INVS: variants seen among roughly 807,000 people sequenced by gnomAD.
INVS encodes inversin, also known as inversion of embryo turning homolog.
Under a neutral mutation model 108.8 loss-of-function variants are expected in INVS, and 86 were observed. The observed-to-expected ratio is 0.79, with a 90% CI of 0.66 to 0.95. The LOEUF is 0.95. Among genes scored for constraint, INVS ranks in the 40% least tolerant of loss-of-function variants. The probability of loss-of-function intolerance (pLI) is 0.00; values close to 1 mark genes in which losing one functional copy is unlikely to be tolerated. For missense variants in INVS, 1,169 were observed against 1,297.4 expected, an observed-to-expected ratio of 0.90 and a Z score of 1.52; for synonymous variants, 455 against 473.5, an observed-to-expected ratio of 0.96 and a Z score of 0.51.
At chr9:100,171,842 CA>C (rs1375626410) in intron 3 of INVS, among the ~76,000 whole-genome samples, 1 of 152,098 alleles carries the variant, frequency 6.6e-6, no homozygotes, top group African/African-American at 2.4e-5. Context: ...TTGGCAAAAG[CA>C]TTGGACTGAT....
intron 8 of INVS, among the ~76,000 whole-genome samples, chr9:100,251,855 C>G (rs1441803088): frequency 6.6e-6 from 1 of 152,198 alleles, no homozygotes; most frequent in Non-Finnish European, 1.5e-5. Flanking sequence ...AGATTGATGT[C>G]TCCAGTCACA....
chr9:100,107,907 A>T (rs554850504), intron 2 of INVS, among the ~76,000 whole-genome samples: 1 of 152,334 alleles, frequency 6.6e-6, no homozygotes, highest in African/African-American at 2.4e-5. Flanking sequence ...AGGAATGAAT[A>T]AATATTTTAA....
intron 14 of INVS, among the ~76,000 whole-genome samples, chr9:100,294,752 G>A (rs1185102262): frequency 6.6e-6 from 1 of 152,186 alleles, no homozygotes; most frequent in East Asian, 1.9e-4. Context: ...AGGCTGCCTG[G>A]TTGGTGTCAC....
chr9:100,257,803 G>A (rs1020705212), intron 10 of INVS, among the ~76,000 whole-genome samples: 1 of 152,168 alleles, frequency 6.6e-6, no homozygotes, highest in Non-Finnish European at 1.5e-5. Flanking sequence ...GCTTCCCTTT[G>A]TGGGTAACCC....
chr9:100,161,364 CAAAA>C (rs35392930), intron 3 of INVS, among the ~76,000 whole-genome samples: 1 of 12,368 alleles, frequency 8.1e-5, no homozygotes, highest in Non-Finnish European at 1.6e-4. Context: ...ACTTCCATCT[CAAAA>C]AAAAAAAAAA....
At chr9:100,176,185 C>T in intron 3 of INVS, 1 of 340,288 alleles carries the variant, frequency 2.9e-6, no homozygotes, top group Non-Finnish European at 5.7e-6. Flanking sequence ...ATCTTTGTTT[C>T]CTTTATGCCT....
chr9:100,120,193 TG>T (rs1827681874), intron 2 of INVS, among the ~76,000 whole-genome samples: 1 of 152,204 alleles, frequency 6.6e-6, no homozygotes, highest in South Asian at 2.1e-4. Flanking sequence ...GGTGCTGCTT[TG>T]GGTTCAAATT....
intron 1 of INVS, 103 bp from the exon 2 acceptor site, chr9:100,104,395 G>C (rs150548989): frequency 2.0e-5 from 14 of 714,630 alleles, no homozygotes; most frequent in Non-Finnish European, 3.5e-5. Context: ...TCCTAGTCAA[G>C]TATTTCTAGT....
At chr9:100,219,415 G>A (rs1789555798) in intron 3 of INVS, among the ~76,000 whole-genome samples, 1 of 152,136 alleles carries the variant, frequency 6.6e-6, no homozygotes, top group South Asian at 2.1e-4. Flanking sequence ...AGTCCAGCCT[G>A]GGCAAGCTAT....
chr9:100,180,509 A>G (rs1829857732), intron 3 of INVS, among the ~76,000 whole-genome samples: 1 of 152,232 alleles, frequency 6.6e-6, no homozygotes, highest in African/African-American at 2.4e-5. Flanking sequence ...ACCTCTACGC[A>G]AATAAACTAG....
intron 3 of INVS, among the ~76,000 whole-genome samples, chr9:100,163,505 C>T (rs899252789): frequency 2.0e-5 from 3 of 152,078 alleles, no homozygotes; most frequent in Non-Finnish European, 2.9e-5. Context: ...AAATCCCTGA[C>T]TTCAAAGATC....
chr9:100,266,473 A>C (rs1235598739), intron 11 of INVS, among the ~76,000 whole-genome samples: 1 of 152,126 alleles, frequency 6.6e-6, no homozygotes, highest in Admixed American at 6.6e-5. Context: ...GTAACTTCCC[A>C]ACTTTGCTAT....
rs769857478 is a variant in INVS, at chr9:100,292,232, A to G, written c.2069-94A>G. ...TGTAACTGCCACTATTATGGTGATG[A>G]TATAGGCTAAGTCTGAATATTTTAT... On this transcript the variant is annotated intron_variant, in intron 13 of 16. Coordinates refer to ENST00000262457, the MANE Select transcript of INVS (RefSeq NM_014425.5). 561 of 1,124,726 alleles carry G rather than the reference A, an allele frequency of 5.0e-4. 3 individuals carry two copies. Among genetic ancestry groups the G allele is most frequent in the Non-Finnish European group, 7.7e-5 (57 of 738,022 alleles). 69.7% of individuals were successfully genotyped at this position (1,124,726 alleles called of 1,614,324 possible). A position where few individuals can be genotyped will look rare whatever the true frequency, so the allele number is the denominator to read the frequency against.
chr9:100,100,658 T>TAC (rs1826828441), intron 1 of INVS, among the ~76,000 whole-genome samples: 1 of 49,298 alleles, frequency 2.0e-5, no homozygotes, highest in Non-Finnish European at 3.2e-5. Context: ...ATATATAATA[T>TAC]ATATATTATA....
At position 100,292,692 on chromosome 9, in the gene INVS, G is replaced by T. The variant is rs780214188; in HGVS notation, c.2435G>T (p.Gly812Val). ...RCSPAGSSRP[G>V]SARGEAVHAG... Reference sequence around the variant, plus strand: ...TCTCCGGCTGGTTCTAGCCGCCCTGGCAGTGCCCGGGGGGAGGCGGTCCAT... The same window carrying T: ...TCTCCGGCTGGTTCTAGCCGCCCTGTCAGTGCCCGGGGGGAGGCGGTCCAT... The change falls in exon 14 of 17, where the codon GGC (glycine) becomes GTC (valine). Residue 812 changes from glycine to valine, a missense_variant. By Grantham distance (109) the Gly-to-Val change is moderately radical (BLOSUM62 -3). This residue lies in a region of INVS where 533 missense variants were observed against 536.0 expected (regional missense o/e 0.99). Transcript: ENST00000262457. 6.2e-7 allele frequency: 1 copy of T among 1,614,042 alleles called. No homozygotes were observed.
At chr9:100,289,521 TG>T (rs1833547794) in intron 13 of INVS, among the ~76,000 whole-genome samples, 2 of 152,364 alleles carry the variant, frequency 1.3e-5, no homozygotes, top group African/African-American at 4.8e-5. Context: ...ATGGGCTACC[TG>T]GGCAGTTCCT....
chr9:100,191,644 G>C (rs944884604), intron 3 of INVS, among the ~76,000 whole-genome samples: 1 of 152,048 alleles, frequency 6.6e-6, no homozygotes, highest in African/African-American at 2.4e-5. Context: ...TCCTTGAGTA[G>C]CTTAACAATC....
At chr9:100,206,034 CAG>C (rs1047423374) in intron 3 of INVS, among the ~76,000 whole-genome samples, 3 of 152,058 alleles carry the variant, frequency 2.0e-5, no homozygotes, top group Non-Finnish European at 4.4e-5. Context: ...AGGATATAAA[CAG>C]ATAATCTTTT....
At chr9:100,118,537 G>A (rs1376857426) in intron 2 of INVS, among the ~76,000 whole-genome samples, 1 of 151,864 alleles carries the variant, frequency 6.6e-6, no homozygotes, top group African/African-American at 2.4e-5. Flanking sequence ...AAGCCTCCCA[G>A]TCTATGGTAC....
Sources: allele counts gnomAD v4.1 joint callset (sites outside exome capture counted in the v4.1 genomes callset), GRCh38; gene constraint gnomAD v4.1.1; regional missense constraint gnomAD v4.1.1; transcripts MANE v1.5; gene names NCBI Gene and HGNC (gene_info 2026-07-23, HGNC 2026-07-21).